ZFYVE28: variants seen among roughly 807,000 people sequenced by gnomAD.
ZFYVE28 encodes lateral signaling target protein 2 homolog.
Under a neutral mutation model 82.1 loss-of-function variants are expected in ZFYVE28, and 40 were observed. The ratio of observed to expected loss-of-function variants is 0.49; its 90% CI spans 0.38 to 0.63. The LOEUF is 0.63. ZFYVE28 is among the 30% of genes least tolerant of loss of function. The probability of loss-of-function intolerance (pLI) is 0.00; values close to 1 mark genes in which losing one functional copy is unlikely to be tolerated. For missense variants in ZFYVE28, 1,321 were observed against 1,242.1 expected (o/e 1.06, Z -0.96); for synonymous variants, 612 against 546.1 (o/e 1.12, Z -1.68).
chr4:2,369,163 G>A (rs1727224653), intron 1 of ZFYVE28, among the ~76,000 whole-genome samples: 1 of 152,226 alleles, frequency 6.6e-6, no homozygotes, highest in Non-Finnish European at 1.5e-5. Flanking sequence ...GGGCATCCCT[G>A]CCATCCTTCC....
intron 1 of ZFYVE28, among the ~76,000 whole-genome samples, chr4:2,391,455 CTTTT>C (rs140103966): frequency 3.2e-4 from 37 of 117,182 alleles, no homozygotes; most frequent in African/African-American, 9.8e-4. Flanking sequence ...GGTCAATTAT[CTTTT>C]TTTTTTTTTT....
intron 6 of ZFYVE28, among the ~76,000 whole-genome samples, chr4:2,322,452 C>T (rs1485146480): frequency 6.6e-6 from 1 of 150,882 alleles, no homozygotes; most frequent in Non-Finnish European, 1.5e-5. Context: ...AGGCTGGATC[C>T]TGGGGTCTCG....
At chr4:2,336,763 A>G (rs1721784536) in intron 5 of ZFYVE28, among the ~76,000 whole-genome samples, 2 of 148,790 alleles carry the variant, frequency 1.3e-5, no homozygotes, top group Admixed American at 6.6e-5. Context: ...TGATGAGGTG[A>G]GGAGTGAGGA....
At chr4:2,325,670 T>C (rs780551820) in intron 6 of ZFYVE28, among the ~76,000 whole-genome samples, 23 of 145,784 alleles carry the variant, frequency 1.6e-4, no homozygotes, top group Middle Eastern at 7.1e-3. Context: ...GGCGTGATCA[T>C]AGCTTACTGC....
At chr4:2,374,366 T>A (rs1026189514) in intron 1 of ZFYVE28, among the ~76,000 whole-genome samples, 3 of 152,260 alleles carry the variant, frequency 2.0e-5, no homozygotes, top group African/African-American at 7.2e-5. Flanking sequence ...AATCCCAGAA[T>A]TTTGGACGGC....
At chr4:2,280,143 A>G (rs925718521) in intron 8 of ZFYVE28, among the ~76,000 whole-genome samples, 7 of 152,240 alleles carry the variant, frequency 4.6e-5, no homozygotes, top group Non-Finnish European at 7.3e-5. Context: ...TCATATCCCT[A>G]TGGTGAAACA....
chr4:2,402,184 C>T (rs1731258174), intron 1 of ZFYVE28, among the ~76,000 whole-genome samples: 1 of 152,236 alleles, frequency 6.6e-6, no homozygotes. Context: ...CCTCATGGCA[C>T]CAGGCACCGC....
chr4:2,379,846 C>T (rs976640935), intron 1 of ZFYVE28, among the ~76,000 whole-genome samples: 36 of 151,750 alleles, frequency 2.4e-4, no homozygotes, highest in African/African-American at 6.8e-4. Flanking sequence ...GGAGTGCAGT[C>T]GCACAATCTC....
In ZFYVE28 at chr4:2,330,915, G is replaced by A. The variant is rs193012794; in HGVS notation, c.701+4790C>T. On this transcript the variant is annotated intron_variant, in intron 6 of 12. Coordinates refer to ENST00000290974, the MANE Select transcript of ZFYVE28 (RefSeq NM_020972.3). The stretch of plus-strand genomic sequence containing the variant: ...GGTGGGAGCTCCGGCAAGGGTCTGA[G>A]CAGGGCAGAGATGACACCTTGTTTT... The A allele has an allele frequency of 2.3e-4, 359 of 1,535,396 alleles. 2 individuals carry two copies. Among genetic ancestry groups the A allele is most frequent in the Admixed American group, 1.4e-3 (70 of 50,894 alleles).
At chr4:2,309,773 C>T (rs577812692) in intron 7 of ZFYVE28, among the ~76,000 whole-genome samples, 18 of 152,308 alleles carry the variant, frequency 1.2e-4, no homozygotes, top group East Asian at 5.8e-4. Flanking sequence ...GAGATACGCA[C>T]GGACGAAATC....
chr4:2,356,040 C>T (rs1725264943), intron 1 of ZFYVE28, among the ~76,000 whole-genome samples: 1 of 152,264 alleles, frequency 6.6e-6, no homozygotes, highest in Non-Finnish European at 1.5e-5. Context: ...CCTGCCACCC[C>T]TCCCCTCTGT....
chr4:2,394,114 C>G lies in ZFYVE28; in HGVS notation c.39+24171G>C, dbSNP rs1730134946. The stretch of plus-strand genomic sequence containing the variant: ...ACGTCTACAGCCTTCTTCCCAGGCC[C>G]AGCTCCTCTGACTCTCCTGCCCCCT... On this transcript the variant is annotated intron_variant, in intron 1 of 12. Coordinates refer to ENST00000290974, the MANE Select transcript of ZFYVE28 (RefSeq NM_020972.3). The surrounding 1 kb of genome is among the most constrained non-coding windows in gnomAD (Gnocchi z 4.0). 6.6e-6 allele frequency among the ~76,000 whole-genome samples: 1 copy of G among 152,220 alleles called. No homozygotes were observed. Among genetic ancestry groups the G allele is most frequent in the African/African-American group, 2.4e-5 (1 of 41,456 alleles).
intron 6 of ZFYVE28, chr4:2,330,580 A>G: frequency 2.5e-6 from 3 of 1,224,052 alleles, no homozygotes; most frequent in Non-Finnish European, 2.1e-6. Context: ...GATAGCATGG[A>G]GAATGGGATA....
chr4:2,403,151 G>A (rs1731380137), intron 1 of ZFYVE28, among the ~76,000 whole-genome samples: 1 of 152,266 alleles, frequency 6.6e-6, no homozygotes. Flanking sequence ...GGCCCCAGCT[G>A]CCTTCTCCTC....
At chr4:2,289,730 T>G (rs2108809898) in intron 8 of ZFYVE28, among the ~76,000 whole-genome samples, 1 of 152,330 alleles carries the variant, frequency 6.6e-6, no homozygotes, top group Non-Finnish European at 1.5e-5. Flanking sequence ...TTAAGTTCCC[T>G]GCCCAGACGG....
At position 2,305,012 on chromosome 4, in the gene ZFYVE28, C is replaced by A. The variant is rs553390216; in HGVS notation, c.1328G>T (p.Gly443Val). ...PQEKGQGGPG[G>V]AAGISLPASE... Reference sequence around the variant, plus strand: ...GGCGGGCAAGCTGATCCCCGCCGCTCCGCCTGGCCCACCCTGCCCTTTCTC... The same window carrying A: ...GGCGGGCAAGCTGATCCCCGCCGCTACGCCTGGCCCACCCTGCCCTTTCTC... Residue 443 changes from glycine (G) to valine (V), a missense_variant, in exon 8 of 13, where the codon GGA becomes GTA. Gly to Val is a moderately radical substitution (Grantham distance 109). Transcript: ENST00000290974. 3.9e-4 allele frequency: 632 copies of A among 1,612,808 alleles called. 10 individuals are homozygous for A. In the Admixed American group the frequency reaches 0.01, roughly 27 times the overall value.
At chr4:2,315,722 T>C (rs1718108701) in intron 7 of ZFYVE28, among the ~76,000 whole-genome samples, 1 of 152,242 alleles carries the variant, frequency 6.6e-6, no homozygotes, top group Non-Finnish European at 1.5e-5. Flanking sequence ...TTTGTCTTTG[T>C]TTTTGGCAAT....
chr4:2,273,329 G>A (rs201634566), intron 9 of ZFYVE28, 40 bp from the exon 10 acceptor site: 29 of 1,573,410 alleles, frequency 1.8e-5, no homozygotes, highest in Non-Finnish European at 2.4e-5. Flanking sequence ...CAGAAGGACG[G>A]ATGGAAGGAA....
chr4:2,409,737 C>T lies in ZFYVE28; in HGVS notation c.39+8548G>A, dbSNP rs566817664. Among the ~76,000 whole-genome samples the T allele has an allele frequency of 5.9e-5, 9 of 152,336 alleles. No individual in the cohort carries two copies. The highest frequency in any genetic ancestry group is 1.3e-4 in the Admixed American group (2 of 15,304). On this transcript the variant is annotated intron_variant, in intron 1 of 12. Coordinates refer to ENST00000290974, the MANE Select transcript of ZFYVE28 (RefSeq NM_020972.3). The surrounding 1 kb of genome is among the most constrained non-coding windows in gnomAD (Gnocchi z 4.4). Reference sequence around the variant, plus strand: ...TGCGGGCAGCTCTGTGGGAGGAGGTCGGTTTGAGAAATTTGTCAGAACTAC... The same window carrying T: ...TGCGGGCAGCTCTGTGGGAGGAGGTTGGTTTGAGAAATTTGTCAGAACTAC...
Sources: allele counts gnomAD v4.1 joint callset (sites outside exome capture counted in the v4.1 genomes callset), GRCh38; gene constraint gnomAD v4.1.1; non-coding constraint Gnocchi (gnomAD v3.1); transcripts MANE v1.5; gene names NCBI Gene and HGNC (gene_info 2026-07-23, HGNC 2026-07-21).